Variants in TDP1 observed in about 807,000 individuals in gnomAD.
TDP1 encodes tyrosyl-DNA phosphodiesterase 1, also known as tyr-DNA phosphodiesterase 1.
A neutral mutation model predicts 81.5 loss-of-function variants in TDP1; 64 were observed. The observed-to-expected ratio is 0.79, with a 90% CI of 0.64 to 0.97. The LOEUF (loss-of-function observed/expected upper bound fraction) is 0.97. Among genes scored for constraint, TDP1 ranks in the 50% least tolerant of loss-of-function variants. TDP1 has a pLI of 0.00. For synonymous variants in TDP1, 256 were observed against 264.3 expected, an observed-to-expected ratio of 0.97 and a Z score of 0.30; for missense variants, 723 against 743.8, an observed-to-expected ratio of 0.97 and a Z score of 0.33.
chr14:90,036,431 A>T (rs1887823054), intron 16 of TDP1, among the ~76,000 whole-genome samples: 1 of 152,322 alleles, frequency 6.6e-6, no homozygotes. Flanking sequence ...CACCTCTAAG[A>T]TCTTGTCAGT....
intron 2 of TDP1, chr14:89,962,826 T>G (rs7143875): frequency 1.4e-6 from 1 of 740,632 alleles, no homozygotes; most frequent in African/African-American, 1.9e-5. Flanking sequence ...CAGCTGAGAT[T>G]GAACCACTGC....
chr14:90,033,908 T>A (rs532422786), intron 16 of TDP1, among the ~76,000 whole-genome samples: 39 of 151,950 alleles, frequency 2.6e-4, no homozygotes, highest in African/African-American at 8.7e-4. Context: ...TAAAAAAAAA[T>A]TTGTTTTAAA....
intron 15 of TDP1, among the ~76,000 whole-genome samples, chr14:90,028,385 C>T (rs1476951802): frequency 6.6e-6 from 1 of 152,214 alleles, no homozygotes; most frequent in African/African-American, 2.4e-5. Context: ...GAAACTGAAG[C>T]ATGCCTCCTG....
Position 89,980,580 on chromosome 14 carries a change from G to GT in TDP1, c.833dup (p.Ile279HisfsTer10), listed in dbSNP as rs781059158. ...GCTCTATGAAGAAGGCCTCCGGGTT[G>GT]TCATACACACCTCCAACCTCATCCA... is the stretch of plus-strand genomic sequence containing the variant. On this transcript the variant is annotated frameshift_variant, in exon 8 of 17. Coordinates refer to ENST00000335725, the MANE Select transcript of TDP1 (RefSeq NM_018319.4). LOFTEE classifies it high-confidence loss of function. 1 of 1,614,208 alleles carries GT rather than the reference G, an allele frequency of 6.2e-7. No individual in the cohort carries two copies. Among genetic ancestry groups the GT allele is most frequent in the African/African-American group, 1.3e-5 (1 of 75,054 alleles).
At chr14:90,022,171 T>A (rs1886163426) in intron 15 of TDP1, among the ~76,000 whole-genome samples, 1 of 152,190 alleles carries the variant, frequency 6.6e-6, no homozygotes, top group Non-Finnish European at 1.5e-5. Flanking sequence ...AGAGACATCC[T>A]TCCTGGGTGA....
chr14:89,962,955 T>C (rs558600805), intron 2 of TDP1, 153 bp from the exon 3 acceptor site: 5 of 1,492,182 alleles, frequency 3.4e-6, no homozygotes, highest in South Asian at 2.7e-5. Context: ...ATTCTGGTAA[T>C]GTGCTTATAA....
At chr14:89,966,448 G>A (rs574292164) in intron 4 of TDP1, among the ~76,000 whole-genome samples, 8 of 152,320 alleles carry the variant, frequency 5.3e-5, no homozygotes, top group African/African-American at 1.9e-4. Flanking sequence ...GGACATTCCA[G>A]CTTGAAAGAC....
chr14:89,992,799 T>G (rs1439251863), intron 13 of TDP1, among the ~76,000 whole-genome samples: 1 of 152,236 alleles, frequency 6.6e-6, no homozygotes, highest in African/African-American at 2.4e-5. Flanking sequence ...TATTCATAAG[T>G]AAAGATTGTT....
chr14:89,989,191 G>T, intron 11 of TDP1, 101 bp downstream of exon 11: 105 of 811,814 alleles, frequency 1.3e-4, no homozygotes, highest in Middle Eastern at 4.6e-4. Context: ...TTTATTCTGT[G>T]ATTCTTTTTT....
chr14:90,009,005 A>T (rs34741326), intron 14 of TDP1, among the ~76,000 whole-genome samples: 1 of 152,216 alleles, frequency 6.6e-6, no homozygotes, highest in African/African-American at 2.4e-5. Context: ...TACCATGTCC[A>T]GCTCAAATCA....
chr14:89,963,778 G>A (rs1892613943), intron 3 of TDP1, 105 bp downstream of exon 3: 2 of 1,363,950 alleles, frequency 1.5e-6, no homozygotes, highest in African/African-American at 2.9e-5. Context: ...ACTCTTCTTT[G>A]TGTTCTTAAC....
Position 89,991,433 on chromosome 14 carries a change from C to T in TDP1, c.1367-484C>T, listed in dbSNP as rs183800559. ...TATTCTGCTTTACTTGGTGCGTTCT[C>T]GTCCTCAATGAGGTAATTTACTTTT... is the stretch of plus-strand genomic sequence containing the variant. On this transcript the variant is annotated intron_variant, in intron 12 of 16. Coordinates refer to ENST00000335725, the MANE Select transcript of TDP1 (RefSeq NM_018319.4). 164 of 407,416 alleles carry T rather than the reference C, an allele frequency of 4.0e-4. 1 individual carries two copies. Among genetic ancestry groups the T allele is most frequent in the African/African-American group, 6.7e-4 (31 of 46,350 alleles). The allele number at this position is 407,416 out of a possible 1,614,324, so 25.2% of individuals were successfully genotyped here. A position where few individuals can be genotyped will look rare whatever the true frequency, so the allele number is the denominator to read the frequency against.
chr14:90,030,597 C>G (rs1321112820), intron 15 of TDP1, among the ~76,000 whole-genome samples: 6 of 152,178 alleles, frequency 3.9e-5, no homozygotes, highest in Non-Finnish European at 1.5e-5. Context: ...CACTTTCACA[C>G]AGGTTGTGCC....
chr14:89,959,058 A>G (rs1022003268), intron 2 of TDP1, among the ~76,000 whole-genome samples: 10 of 152,260 alleles, frequency 6.6e-5, no homozygotes, highest in Non-Finnish European at 1.5e-4. Flanking sequence ...TGATTTAAAC[A>G]GGGAGTTTGG....
At chr14:90,025,416 A>G (rs1886538663) in intron 15 of TDP1, among the ~76,000 whole-genome samples, 1 of 152,166 alleles carries the variant, frequency 6.6e-6, no homozygotes, top group Non-Finnish European at 1.5e-5. Flanking sequence ...TAAGTGAATA[A>G]ATCTGGAAAT....
chr14:90,013,130 G>T (rs551103866), intron 14 of TDP1, among the ~76,000 whole-genome samples: 1 of 152,222 alleles, frequency 6.6e-6, no homozygotes, highest in African/African-American at 2.4e-5. Context: ...CAGAAGGGAC[G>T]TACTGTGTCT....
chr14:89,988,633 CT>C (rs1895833841), intron 10 of TDP1: 2 of 980,750 alleles, frequency 2.0e-6, no homozygotes, highest in Non-Finnish European at 2.4e-6. Context: ...TGAAATGGGC[CT>C]TTTTAAACCT....
At chr14:90,018,868 A>G (rs140256426) in intron 14 of TDP1, 1 of 548,150 alleles carries the variant, frequency 1.8e-6, no homozygotes, top group Non-Finnish European at 2.3e-6. Flanking sequence ...CATTGAAAGT[A>G]GAAATTAGCA....
At chr14:89,984,184 GA>G in intron 8 of TDP1, 5 of 985,386 alleles carry the variant, frequency 5.1e-6, no homozygotes, top group Non-Finnish European at 6.0e-6. Context: ...TCAAGTCTTA[GA>G]AAGCAATATA....
Sources: allele counts gnomAD v4.1 joint callset (sites outside exome capture counted in the v4.1 genomes callset), GRCh38; gene constraint gnomAD v4.1.1; transcripts MANE v1.5; gene names NCBI Gene and HGNC (gene_info 2026-07-23, HGNC 2026-07-21).